Variants in NOL10 observed in about 807,000 individuals in gnomAD.
NOL10 encodes nucleolar protein 10, also known as H_NH0074G24.1.
A neutral mutation model predicts 103.5 loss-of-function variants in NOL10; 58 were observed. The ratio of observed to expected loss-of-function variants is 0.56; its 90% confidence interval spans 0.45 to 0.70. The LOEUF (loss-of-function observed/expected upper bound fraction) is 0.70. NOL10 is among the 30% of genes least tolerant of loss of function. NOL10 has a pLI of 0.00. For synonymous variants in NOL10, 287 were observed against 282.5 expected, an observed-to-expected ratio of 1.02 and a Z score of -0.16; for missense variants, 763 against 807.3, an observed-to-expected ratio of 0.95 and a Z score of 0.67.
chr2:10,589,169 T>A lies in NOL10; in HGVS notation c.1718A>T (p.Lys573Ile). The A allele has an allele frequency of 6.2e-7, 1 of 1,614,000 alleles. No individual in the cohort carries two copies. Among genetic ancestry groups the A allele is most frequent in the Non-Finnish European group, 8.5e-7 (1 of 1,179,880 alleles). Residue 573 changes from lysine to isoleucine, a missense_variant, in exon 19 of 21, where the codon AAA becomes ATA. By Grantham distance (102) the Lys-to-Ile change is moderately radical. Transcript: ENST00000381685. ...KQRRLLQQEE[K>I]VKRQERLKED... ...CTTGAGTCGTTCCTGCCGCTTCACT[T>A]TTTCCTCCTGCTGGAGGAGTCTGCG...
At chr2:10,620,423 T>C (rs1459059756) in intron 13 of NOL10, among the ~76,000 whole-genome samples, 2 of 152,156 alleles carry the variant, frequency 1.3e-5, no homozygotes, top group African/African-American at 4.8e-5. Context: ...GGTGAAAAAA[T>C]ATATTAACAC....
At chr2:10,575,976 C>A (rs1457896086) in intron 20 of NOL10, among the ~76,000 whole-genome samples, 3 of 152,186 alleles carry the variant, frequency 2.0e-5, no homozygotes, top group Non-Finnish European at 2.9e-5. Context: ...AAGCTTTTTG[C>A]ACTTAGAATA....
chr2:10,602,883 A>G lies in NOL10; in HGVS notation c.1234-9T>C, dbSNP rs1676053754. 3 of 1,572,344 alleles carry G rather than the reference A, an allele frequency of 1.9e-6. No homozygotes were observed. The highest frequency in any genetic ancestry group is 2.6e-6 in the Non-Finnish European group (3 of 1,154,576). On this transcript the variant is annotated splice_polypyrimidine_tract_variant and intron_variant, in intron 15 of 20. Coordinates refer to ENST00000381685, the MANE Select transcript of NOL10 (RefSeq NM_024894.4). Reference sequence around the variant, plus strand: ...TTTACCATCAGTTTCACCTTTTCAAAATGAAAAAAGTTTTTAAAATAAAAG... The same window carrying G: ...TTTACCATCAGTTTCACCTTTTCAAGATGAAAAAAGTTTTTAAAATAAAAG...
chr2:10,606,824 G>A (rs543059718), intron 14 of NOL10, among the ~76,000 whole-genome samples: 1 of 151,830 alleles, frequency 6.6e-6, no homozygotes, highest in Non-Finnish European at 1.5e-5. Flanking sequence ...TTTACTTGCC[G>A]TCTCTGAGAC....
chr2:10,600,745 A>G, intron 17 of NOL10, 108 bp downstream of exon 17: 1 of 735,302 alleles, frequency 1.4e-6, no homozygotes, highest in East Asian at 2.8e-5. Context: ...TATACGCAGG[A>G]AAGAAAAAGT....
In NOL10 at chr2:10,667,202, G is replaced by A. The variant is rs1410361322; in HGVS notation, c.591+16C>T. On this transcript the variant is annotated intron_variant, in intron 8 of 20. Transcript: ENST00000381685. ...TAAAACAAATATTCTAAAAAATAAA[G>A]TCAACATATGCTTACCTCTATGGTT... 1 of 1,546,434 alleles carries A rather than the reference G, an allele frequency of 6.5e-7. No individual in the cohort carries two copies. Among genetic ancestry groups the A allele is most frequent in the South Asian group, 1.2e-5 (1 of 83,864 alleles).
chr2:10,599,711 G>A (rs933331504), intron 17 of NOL10, among the ~76,000 whole-genome samples: 1 of 152,180 alleles, frequency 6.6e-6, no homozygotes. Context: ...TGCAGGGAAA[G>A]ACTAAGGAAG....
chr2:10,627,594 G>A (rs1331821738), intron 13 of NOL10, among the ~76,000 whole-genome samples: 3 of 152,032 alleles, frequency 2.0e-5, no homozygotes, highest in African/African-American at 7.3e-5. Context: ...AGAATGGCGT[G>A]AACCCGGGAG....
intron 8 of NOL10, among the ~76,000 whole-genome samples, chr2:10,664,098 A>G (rs1044800938): frequency 1.3e-5 from 2 of 151,688 alleles, no homozygotes; most frequent in African/African-American, 4.8e-5. Flanking sequence ...CTGCCTAGGC[A>G]ACAGAGAGAG....
At chr2:10,626,868 A>G (rs1677504506) in intron 13 of NOL10, among the ~76,000 whole-genome samples, 1 of 152,246 alleles carries the variant, frequency 6.6e-6, no homozygotes, top group Non-Finnish European at 1.5e-5. Context: ...TGTATCAAAT[A>G]TCTCCATGAA....
intron 13 of NOL10, among the ~76,000 whole-genome samples, chr2:10,642,188 G>C (rs2148276307): frequency 6.6e-6 from 1 of 152,316 alleles, no homozygotes; most frequent in Non-Finnish European, 1.5e-5. Flanking sequence ...CAGCATTCTT[G>C]TGATCTATAC....
At chr2:10,634,118 G>A (rs886941974) in intron 13 of NOL10, among the ~76,000 whole-genome samples, 5 of 152,140 alleles carry the variant, frequency 3.3e-5, no homozygotes, top group African/African-American at 7.2e-5. Flanking sequence ...GTGACCAACC[G>A]CACTGGGCCT....
rs771578816 is a variant in NOL10 at position 10,654,437 on chromosome 2, A to G, written c.973+44T>C. ...TCACTGAACGTTCACTACAGAATGC[A>G]TCTTTTTATTTGTCTCACTGAACGT... On this transcript the variant is annotated intron_variant, in intron 12 of 20. Transcript: ENST00000381685. 6.8e-6 allele frequency: 9 copies of G among 1,319,526 alleles called. No homozygotes were observed. The Admixed American group carries it at 1.7e-4, about 25-fold the overall frequency. 81.7% of individuals were successfully genotyped at this position (1,319,526 alleles called of 1,614,324 possible). A position where few individuals can be genotyped will look rare whatever the true frequency, so the allele number is the denominator to read the frequency against.
At chr2:10,576,674 G>A (rs1572219791) in intron 20 of NOL10, among the ~76,000 whole-genome samples, 1 of 152,198 alleles carries the variant, frequency 6.6e-6, no homozygotes, top group Admixed American at 6.5e-5. Context: ...AAGCTATGGA[G>A]ACAGGAAGTA....
intron 11 of NOL10, 54 bp from the exon 12 acceptor site, chr2:10,654,601 G>A: frequency 1.7e-6 from 2 of 1,168,902 alleles, no homozygotes; most frequent in South Asian, 1.4e-5. Context: ...AACAACTTTG[G>A]CAATGTCAAA....
rs398043037 is a variant in NOL10 at position 10,579,560 on chromosome 2, CT to C, written c.1845-1823del. ...GGAATGAAATGAAGATTTCGGTTAGCTTTTTTTTTTTTTTTCCGAACAATTC... is the reference window on the plus strand; with the variant it reads ...GGAATGAAATGAAGATTTCGGTTAGCTTTTTTTTTTTTTTCCGAACAATTC... On this transcript the variant is annotated intron_variant, in intron 19 of 20. Coordinates refer to ENST00000381685, the MANE Select transcript of NOL10 (RefSeq NM_024894.4). 6.2e-3 allele frequency among the ~76,000 whole-genome samples: 894 copies of C among 144,280 alleles called. 16 individuals carry two copies. The highest frequency in any genetic ancestry group is 0.018 in the African/African-American group (705 of 39,302). The allele number at this position is 144,280 out of a possible 152,430, so 94.7% of individuals were successfully genotyped here.
intron 13 of NOL10, among the ~76,000 whole-genome samples, chr2:10,618,254 A>T (rs1418450717): frequency 2.0e-5 from 3 of 151,430 alleles, no homozygotes; most frequent in Non-Finnish European, 4.4e-5. Flanking sequence ...TTAAAAAAAA[A>T]TGAATTAAGG....
intron 13 of NOL10, among the ~76,000 whole-genome samples, chr2:10,639,641 G>C (rs1227171518): frequency 4.6e-5 from 7 of 152,096 alleles, no homozygotes; most frequent in Non-Finnish European, 1.0e-4. Flanking sequence ...GTGCCATAGG[G>C]GACTTGGATT....
At chr2:10,630,462 C>G (rs1677760671) in intron 13 of NOL10, among the ~76,000 whole-genome samples, 1 of 152,158 alleles carries the variant, frequency 6.6e-6, no homozygotes, top group African/African-American at 2.4e-5. Flanking sequence ...CCTATAATCC[C>G]AGCACTTTGG....
Sources: allele counts gnomAD v4.1 joint callset (sites outside exome capture counted in the v4.1 genomes callset), GRCh38; gene constraint gnomAD v4.1.1; transcripts MANE v1.5; gene names NCBI Gene and HGNC (gene_info 2026-07-23, HGNC 2026-07-21).